LSAMP: variants seen among roughly 807,000 people sequenced by gnomAD.
LSAMP encodes the protein limbic system-associated membrane protein.
LSAMP carries 7 observed loss-of-function variants against 38.6 expected under a neutral mutation model. The ratio of observed to expected loss-of-function variants is 0.18; its 90% confidence interval spans 0.10 to 0.34. The LOEUF is 0.34. Among genes scored for constraint, LSAMP ranks in the 10% least tolerant of loss-of-function variants. The pLI is 1.00. For synonymous variants in LSAMP, 154 were observed against 166.8 expected (o/e 0.92, Z 0.59); for missense variants, 313 against 420.0 (o/e 0.75, Z 2.23).
chr3:116,069,640 C>T (rs558472719), intron 2 of LSAMP, among the ~76,000 whole-genome samples: 1 of 152,150 alleles, frequency 6.6e-6, no homozygotes, highest in Non-Finnish European at 1.5e-5. Flanking sequence ...CATGTTATCA[C>T]TGACTGAAAA....
rs770653012 is a variant in LSAMP at position 116,445,275 on chromosome 3, AAG to A, written c.-246_-245del. The A allele has an allele frequency of 1.2e-5, 7 of 588,548 alleles. No individual in the cohort carries two copies. Among genetic ancestry groups the A allele is most frequent in the African/African-American group, 1.9e-5 (1 of 53,562 alleles). 36.5% of individuals were successfully genotyped at this position (588,548 alleles called of 1,614,324 possible). The stretch of plus-strand genomic sequence containing the variant: ...AAAAGTAAAAGCAACACAATTTCAA[AAG>A]AGAGAGTGCAAATAGCAAGCCCTCT... On this transcript the variant is annotated 5_prime_UTR_variant, in exon 1 of 7. Coordinates refer to ENST00000490035, the MANE Select transcript of LSAMP (RefSeq NM_002338.5).
At chr3:116,194,706 T>C (rs1710842254) in intron 1 of LSAMP, among the ~76,000 whole-genome samples, 1 of 152,210 alleles carries the variant, frequency 6.6e-6, no homozygotes, top group Admixed American at 6.5e-5. Context: ...GGGGGATTCC[T>C]AAATAGCCCA....
chr3:116,072,435 G>C (rs1707630081), intron 2 of LSAMP, among the ~76,000 whole-genome samples: 2 of 152,058 alleles, frequency 1.3e-5, no homozygotes, highest in Admixed American at 1.3e-4. Context: ...AGATTGCTGG[G>C]TCGAATGATA....
chr3:115,919,584 T>C (rs1394146757), intron 3 of LSAMP, among the ~76,000 whole-genome samples: 1 of 152,158 alleles, frequency 6.6e-6, no homozygotes, highest in Non-Finnish European at 1.5e-5. Flanking sequence ...CTTTCTTTTC[T>C]GCATATGAAA....
At chr3:116,301,440 A>G (rs1466301828) in intron 1 of LSAMP, among the ~76,000 whole-genome samples, 3 of 152,236 alleles carry the variant, frequency 2.0e-5, no homozygotes, top group Non-Finnish European at 4.4e-5. Context: ...TAGAACACTT[A>G]TAATCAAGGA....
intron 3 of LSAMP, among the ~76,000 whole-genome samples, chr3:116,003,049 T>C (rs1486507970): frequency 6.6e-6 from 1 of 152,166 alleles, no homozygotes; most frequent in Non-Finnish European, 1.5e-5. Flanking sequence ...ATATAGCCAC[T>C]ACCTTTATCA....
Position 115,983,198 on chromosome 3 carries a change from G to A in LSAMP, c.514+36317C>T, listed in dbSNP as rs116645522. On this transcript the variant is annotated intron_variant, in intron 3 of 6. Coordinates refer to ENST00000490035, the MANE Select transcript of LSAMP (RefSeq NM_002338.5). ...TCACTATAGGAAAATCTTAGCATTT[G>A]ACATGGTATTTAGCCTTGTCTATAA... Among the ~76,000 whole-genome samples, 1,459 of 152,150 alleles carry A rather than the reference G, an allele frequency of 9.6e-3. 10 individuals are homozygous for A. Among genetic ancestry groups the A allele is most frequent in the African/African-American group, 0.015 (613 of 41,520 alleles).
At chr3:115,883,618 G>T (rs777880909) in intron 3 of LSAMP, among the ~76,000 whole-genome samples, 3 of 152,080 alleles carry the variant, frequency 2.0e-5, no homozygotes, top group Non-Finnish European at 4.4e-5. Context: ...GGTTCAAGTT[G>T]TAACTGATTG....
chr3:115,817,309 G>A (rs1455628680), intron 6 of LSAMP, among the ~76,000 whole-genome samples: 1 of 152,076 alleles, frequency 6.6e-6, no homozygotes, highest in East Asian at 1.9e-4. Flanking sequence ...ATCCTGTTAT[G>A]CATATACTTT....
chr3:116,331,372 T>C (rs1442441076), intron 1 of LSAMP, among the ~76,000 whole-genome samples: 1 of 152,112 alleles, frequency 6.6e-6, no homozygotes, highest in Non-Finnish European at 1.5e-5. Context: ...TTCTCAATTA[T>C]TATTAAACAC....
chr3:116,076,490 C>T (rs1707746711), intron 2 of LSAMP, among the ~76,000 whole-genome samples: 1 of 152,072 alleles, frequency 6.6e-6, no homozygotes. Flanking sequence ...ATCTCATGAC[C>T]TCATGATCTG....
chr3:116,180,858 G>C (rs914373600), intron 1 of LSAMP, among the ~76,000 whole-genome samples: 2 of 152,052 alleles, frequency 1.3e-5, no homozygotes, highest in Non-Finnish European at 2.9e-5. Context: ...TTAAACAGCT[G>C]TCACTTTTTA....
intron 1 of LSAMP, among the ~76,000 whole-genome samples, chr3:116,439,523 T>G (rs1360050261): frequency 8.1e-6 from 1 of 123,892 alleles, no homozygotes; most frequent in African/African-American, 3.0e-5. Context: ...CACTGAAATT[T>G]GAGACACACT....
rs139237484 is a variant in LSAMP at position 116,230,734 on chromosome 3, C to T, written c.156-144178G>A. Among the ~76,000 whole-genome samples the T allele has an allele frequency of 2.9e-4, 44 of 152,166 alleles. No individual in the cohort carries two copies. In the East Asian group the frequency reaches 4.1e-3, roughly 14 times the overall value. On this transcript the variant is annotated intron_variant, in intron 1 of 6. Coordinates refer to ENST00000490035, the MANE Select transcript of LSAMP (RefSeq NM_002338.5). ...CCTTGGAACCCACTCGGCTTTTGTG[C>T]GCTGATGCATTTACAGTACTAGTAA...
chr3:115,836,742 T>A (rs1038858176), intron 6 of LSAMP, among the ~76,000 whole-genome samples: 6 of 152,138 alleles, frequency 3.9e-5, no homozygotes, highest in African/African-American at 1.4e-4. Context: ...TACATGTGGG[T>A]AGATAGCAGC....
intron 1 of LSAMP, among the ~76,000 whole-genome samples, chr3:116,237,503 G>T (rs2046480893): frequency 6.6e-6 from 1 of 152,126 alleles, no homozygotes; most frequent in Admixed American, 6.5e-5. Context: ...GGAACACCAG[G>T]CACAGGGCCA....
chr3:116,022,548 C>A (rs1940669664), intron 2 of LSAMP, among the ~76,000 whole-genome samples: 1 of 152,112 alleles, frequency 6.6e-6, no homozygotes, highest in South Asian at 2.1e-4. Flanking sequence ...GTTGATGCTC[C>A]TTCCAGTTGT....
intron 3 of LSAMP, among the ~76,000 whole-genome samples, chr3:115,981,853 C>T (rs1399959924): frequency 6.6e-6 from 1 of 152,086 alleles, no homozygotes; most frequent in Non-Finnish European, 1.5e-5. Context: ...CTTTTTATGC[C>T]ACCTTCCTTT....
At chr3:116,281,828 C>T (rs12107019) in intron 1 of LSAMP, among the ~76,000 whole-genome samples, 1,745 of 152,238 alleles carry the variant, frequency 0.011, 26 homozygotes, top group African/African-American at 0.037. Context: ...TATTTCCCCA[C>T]GTTGTCTATG....
Sources: gnomAD v4.1 joint callset for allele counts (sites outside exome capture counted in the v4.1 genomes callset) on GRCh38, gnomAD v4.1.1 for gene constraint, MANE v1.5 for transcripts, NCBI Gene and HGNC (gene_info 2026-07-23, HGNC 2026-07-21) for gene names.